Variants in TRIM37 observed in about 807,000 individuals in gnomAD.
The protein encoded by TRIM37 is E3 ubiquitin-protein ligase TRIM37.
Under a neutral mutation model 129.8 loss-of-function variants are expected in TRIM37, and 80 were observed. The observed-to-expected ratio is 0.62, with a 90% CI of 0.51 to 0.74. The LOEUF is 0.74. Ranked by LOEUF, TRIM37 falls within the 30% of genes least tolerant of loss-of-function variation. The pLI is 0.00. For missense variants in TRIM37, 1,054 were observed against 1,176.5 expected (o/e 0.90, Z 1.52); for synonymous variants, 389 against 387.1 (o/e 1.00, Z -0.06).
At chr17:59,068,909 T>TCACC (rs2042137539) in intron 9 of TRIM37, among the ~76,000 whole-genome samples, 1 of 152,150 alleles carries the variant, frequency 6.6e-6, no homozygotes, top group African/African-American at 2.4e-5. Context: ...AACTGCAAGG[T>TCACC]GGTGGGGTGG....
intron 19 of TRIM37, 96 bp downstream of exon 19, chr17:59,028,319 G>A: frequency 8.5e-7 from 1 of 1,177,278 alleles, no homozygotes; most frequent in South Asian, 1.3e-5. Context: ...TAACTCACTG[G>A]AAGAGTGGTA....
chr17:58,996,945 TAAG>T (rs1437907278), downstream of TRIM37, among the ~76,000 whole-genome samples: 4 of 151,812 alleles, frequency 2.6e-5, no homozygotes, highest in East Asian at 5.8e-4. Flanking sequence ...CAAACCCAAA[TAAG>T]AAGAACATTT....
chr17:59,047,839 A>G lies in TRIM37; in HGVS notation c.1531-20T>C, dbSNP rs746439778. On this transcript the variant is annotated intron_variant, in intron 15 of 23. Coordinates refer to ENST00000262294, the MANE Select transcript of TRIM37 (RefSeq NM_015294.6). The stretch of plus-strand genomic sequence containing the variant: ...CTCGTGCTAGATCAATGCCAAGAAA[A>G]CAAGACGTCTATTCCAAATGTTTCT... 4.0e-5 allele frequency: 65 copies of G among 1,613,472 alleles called. No homozygotes were observed. The highest frequency in any genetic ancestry group is 5.4e-5 in the Non-Finnish European group (64 of 1,180,018).
At chr17:59,052,026 C>G (rs544286335) in intron 13 of TRIM37, among the ~76,000 whole-genome samples, 1 of 152,248 alleles carries the variant, frequency 6.6e-6, no homozygotes, top group South Asian at 2.1e-4. Context: ...GATTGCTTTA[C>G]TATCCCCCAA....
chr17:58,985,132 T>C (rs1413694538), intron 24 of TRIM37: 1 of 152,670 alleles, frequency 6.6e-6, no homozygotes, highest in Non-Finnish European at 1.5e-5. Flanking sequence ...AAGGTGTATG[T>C]TGAAATTTTG....
chr17:59,058,197 A>G (rs1389412567), intron 12 of TRIM37, among the ~76,000 whole-genome samples: 1 of 152,270 alleles, frequency 6.6e-6, no homozygotes, highest in African/African-American at 2.4e-5. Context: ...GTATGCAGCC[A>G]TAAAAAAGAA....
rs922914289 is a variant in TRIM37 at position 59,012,566 on chromosome 17, T to G, written c.2577-120A>C. ...GTGCTCTGGTGCTTAATACTAAATT[T>G]CAAATTTTATCTGAAAATATTTCAC... On this transcript the variant is annotated intron_variant, in intron 21 of 23. Coordinates refer to ENST00000262294, the MANE Select transcript of TRIM37 (RefSeq NM_015294.6). 8 of 713,576 alleles carry G rather than the reference T, an allele frequency of 1.1e-5. No individual in the cohort carries two copies. In the East Asian group the frequency reaches 1.3e-4, roughly 12 times the overall value. The allele number at this position is 713,576 out of a possible 1,614,324, so 44.2% of individuals were successfully genotyped here.
chr17:59,024,144 G>A (rs1368425393), intron 19 of TRIM37, among the ~76,000 whole-genome samples: 1 of 150,868 alleles, frequency 6.6e-6, no homozygotes, highest in East Asian at 2.0e-4. Context: ...AACCCAGGAG[G>A]GGGAGGTTGC....
At chr17:59,097,093 T>C (rs1436237223) in intron 2 of TRIM37, among the ~76,000 whole-genome samples, 9 of 152,162 alleles carry the variant, frequency 5.9e-5, no homozygotes, top group African/African-American at 1.2e-4. Context: ...AAATACTCAA[T>C]AGAAATAGAA....
At chr17:59,056,637 G>A (rs942097810) in intron 13 of TRIM37, among the ~76,000 whole-genome samples, 25 of 142,940 alleles carry the variant, frequency 1.7e-4, no homozygotes, top group Admixed American at 1.7e-3. Flanking sequence ...GGCTGAGGCA[G>A]GAGAATGGCG....
chr17:59,087,934 T>C, intron 4 of TRIM37: 1 of 380,660 alleles, frequency 2.6e-6, no homozygotes, highest in Non-Finnish European at 4.8e-6. Flanking sequence ...GACCATTTAT[T>C]CATTCTTGTC....
At position 59,033,358 on chromosome 17, in the gene TRIM37, A is replaced by G. The variant is rs564673348; in HGVS notation, c.1754-1268T>C. On this transcript the variant is annotated intron_variant, in intron 17 of 23. Coordinates refer to ENST00000262294, the MANE Select transcript of TRIM37 (RefSeq NM_015294.6). ...TTCTAAGGATTATTATCTCACTGAC[A>G]GTTTTTCTTCCCAGCCTCTGTATTA... Among the ~76,000 whole-genome samples the G allele has an allele frequency of 4.7e-4, 72 of 152,264 alleles. 1 individual carries two copies. Among genetic ancestry groups the G allele is most frequent in the African/African-American group, 1.7e-3 (69 of 41,552 alleles).
chr17:59,047,354 T>C (rs2039926139), intron 16 of TRIM37, among the ~76,000 whole-genome samples: 1 of 152,152 alleles, frequency 6.6e-6, no homozygotes, highest in South Asian at 2.1e-4. Flanking sequence ...AAGTACACAA[T>C]GAGAAGTATA....
intron 19 of TRIM37, among the ~76,000 whole-genome samples, chr17:59,017,770 A>G (rs1289209004): frequency 4.0e-5 from 6 of 151,896 alleles, no homozygotes; most frequent in African/African-American, 1.5e-4. Context: ...GATTACAGGC[A>G]CTCGCCACCA....
In TRIM37 at chr17:59,056,920, G is replaced by GCGAGTAAGTC. The variant is rs1436767892; in HGVS notation, c.1144_1153dup (p.Ala385GlyfsTer6). The GCGAGTAAGTC allele has an allele frequency of 1.2e-6, 2 of 1,613,452 alleles. No individual in the cohort carries two copies. The highest frequency in any genetic ancestry group is 1.7e-6 in the Non-Finnish European group (2 of 1,179,888). ...TTGTGGATTCAAGTATCCTTCATTT[G>GCGAGTAAGTC]CGAGTAAGTCCAAACGGAAAAATCT... On this transcript the variant is annotated frameshift_variant, in exon 13 of 24. Coordinates refer to ENST00000262294, the MANE Select transcript of TRIM37 (RefSeq NM_015294.6). LOFTEE classifies it high-confidence loss of function.
intron 2 of TRIM37, among the ~76,000 whole-genome samples, chr17:59,092,564 C>T (rs1358181456): frequency 6.6e-6 from 1 of 151,856 alleles, no homozygotes; most frequent in Non-Finnish European, 1.5e-5. Flanking sequence ...TGTTATACCA[C>T]ATATAAAGGA....
At chr17:58,968,097 C>T in the TRIM37 span, among the ~76,000 whole-genome samples, 2 of 152,084 alleles carry the variant, frequency 1.3e-5, no homozygotes, top group Non-Finnish European at 1.5e-5. Flanking sequence ...CCACCGCACC[C>T]GGCCAGGATT....
chr17:59,091,568 AAT>A (rs371015960), intron 2 of TRIM37, among the ~76,000 whole-genome samples: 1 of 67,416 alleles, frequency 1.5e-5, no homozygotes, highest in Middle Eastern at 6.9e-3. Flanking sequence ...TTATATATAT[AAT>A]ATATATAATG....
chr17:59,001,867 A>G, intron 22 of TRIM37, 153 bp from the exon 23 acceptor site: 1 of 1,103,038 alleles, frequency 9.1e-7, no homozygotes, highest in Non-Finnish European at 1.3e-6. Flanking sequence ...AACAAAGACA[A>G]AAGTAACCGC....
Sources: allele counts gnomAD v4.1 joint callset (sites outside exome capture counted in the v4.1 genomes callset), GRCh38; gene constraint gnomAD v4.1.1; transcripts MANE v1.5; gene names NCBI Gene and HGNC (gene_info 2026-07-23, HGNC 2026-07-21).